Variants in FHIT observed in about 807,000 individuals in gnomAD.
FHIT encodes bis(5'-adenosyl)-triphosphatase.
Under a neutral mutation model 17.9 loss-of-function variants are expected in FHIT, and 19 were observed. That is an observed-to-expected ratio of 1.06 (90% CI 0.74 to 1.56). The LOEUF (loss-of-function observed/expected upper bound fraction) is 1.56, where lower values mean the gene tolerates loss of function less well. Ranked by LOEUF, FHIT falls within the 40% of genes most tolerant of loss-of-function variation. FHIT has a pLI of 0.00. For synonymous variants in FHIT, 81 were observed against 69.7 expected (o/e 1.16, Z -0.81); for missense variants, 248 against 189.2 (o/e 1.31, Z -1.82).
At chr3:60,066,586 T>C (rs1702515952) in intron 5 of FHIT, among the ~76,000 whole-genome samples, 1 of 150,636 alleles carries the variant, frequency 6.6e-6, no homozygotes, top group South Asian at 2.1e-4. Context: ...CACCTTGTAC[T>C]GTTCACTGAC....
rs371051867 is a variant in FHIT, at chr3:60,722,870, G to C, written c.-18+99049C>G. ...CCCAAGTAACTGAGATTACAGGCAG[G>C]AGCCGCCACATCCAGCGAATTTTTT... On this transcript the variant is annotated intron_variant, in intron 4 of 9. Transcript: ENST00000492590. Among the ~76,000 whole-genome samples, 68 of 152,022 alleles carry C rather than the reference G, an allele frequency of 4.5e-4. No homozygotes were observed. In the East Asian group the frequency reaches 6.4e-3, roughly 14 times the overall value.
At chr3:61,133,782 T>C (rs528670641) in intron 2 of FHIT, among the ~76,000 whole-genome samples, 1 of 152,138 alleles carries the variant, frequency 6.6e-6, no homozygotes, top group Non-Finnish European at 1.5e-5. Flanking sequence ...ATGAGAGGGT[T>C]GTATTTTAAG....
intron 3 of FHIT, among the ~76,000 whole-genome samples, chr3:60,832,879 A>G (rs1185964118): frequency 6.6e-6 from 1 of 152,238 alleles, no homozygotes; most frequent in Non-Finnish European, 1.5e-5. Context: ...TTCAAAATTC[A>G]GAGTGTACTT....
intron 5 of FHIT, among the ~76,000 whole-genome samples, chr3:60,066,412 T>G (rs1428300037): frequency 6.6e-6 from 1 of 152,106 alleles, no homozygotes; most frequent in African/African-American, 2.4e-5. Context: ...TTCTGCTAAT[T>G]AGAGCACTTT....
chr3:60,976,554 G>T (rs1340602871), intron 3 of FHIT, among the ~76,000 whole-genome samples: 2 of 152,154 alleles, frequency 1.3e-5, no homozygotes, highest in Admixed American at 6.5e-5. Context: ...ATTCTAATGA[G>T]ACAAAGAGGT....
chr3:60,631,390 C>G (rs1257108369), intron 4 of FHIT, among the ~76,000 whole-genome samples: 1 of 152,124 alleles, frequency 6.6e-6, no homozygotes, highest in Non-Finnish European at 1.5e-5. Context: ...CCTGTCTTTC[C>G]AGCACCTGAG....
At chr3:59,772,851 C>T (rs896768803) in intron 8 of FHIT, among the ~76,000 whole-genome samples, 2 of 152,106 alleles carry the variant, frequency 1.3e-5, no homozygotes, top group South Asian at 2.1e-4. Context: ...CAGCGAATAT[C>T]GAGGGAGAAA....
chr3:60,869,059 G>A (rs1336038545), intron 3 of FHIT, among the ~76,000 whole-genome samples: 1 of 152,030 alleles, frequency 6.6e-6, no homozygotes, highest in East Asian at 1.9e-4. Context: ...ACCTCAGATT[G>A]GTCTCTTACC....
At chr3:59,941,723 CAAGGGCGTCA>C (rs1432910811) in intron 7 of FHIT, among the ~76,000 whole-genome samples, 3 of 152,106 alleles carry the variant, frequency 2.0e-5, no homozygotes, top group Non-Finnish European at 4.4e-5. Context: ...CACATTTCTG[CAAGGGCGTCA>C]AGGGACCCAG....
chr3:60,172,700 G>A (rs147572356), intron 5 of FHIT, among the ~76,000 whole-genome samples: 14 of 152,226 alleles, frequency 9.2e-5, no homozygotes, highest in Admixed American at 8.5e-4. Flanking sequence ...TATATGTGAG[G>A]AACTAAAAGG....
At chr3:60,644,718 G>T (rs185397653) in intron 4 of FHIT, among the ~76,000 whole-genome samples, 84 of 152,184 alleles carry the variant, frequency 5.5e-4, no homozygotes, top group Admixed American at 1.6e-3. Flanking sequence ...ACAACTTCAG[G>T]TTACACATAC....
At chr3:59,940,127 G>A (rs972232154) in intron 7 of FHIT, among the ~76,000 whole-genome samples, 5 of 152,116 alleles carry the variant, frequency 3.3e-5, no homozygotes, top group African/African-American at 1.2e-4. Flanking sequence ...TTTGTAAAAT[G>A]AACCCATCTC....
chr3:61,091,049 G>A (rs987569385), intron 2 of FHIT, among the ~76,000 whole-genome samples: 15 of 152,222 alleles, frequency 9.9e-5, no homozygotes, highest in South Asian at 4.1e-4. Flanking sequence ...ATTTAACTTC[G>A]TGGTTGATAA....
intron 3 of FHIT, among the ~76,000 whole-genome samples, chr3:61,001,395 A>G (rs2031073570): frequency 6.6e-6 from 1 of 152,246 alleles, no homozygotes; most frequent in Non-Finnish European, 1.5e-5. Context: ...TACCCAAGAA[A>G]TGAAAATTAT....
intron 3 of FHIT, among the ~76,000 whole-genome samples, chr3:60,967,321 G>C (rs973733910): frequency 6.6e-6 from 1 of 152,140 alleles, no homozygotes; most frequent in East Asian, 1.9e-4. Flanking sequence ...CAAAATCATT[G>C]CTTGATCCCT....
intron 5 of FHIT, among the ~76,000 whole-genome samples, chr3:60,182,796 A>G (rs1389902033): frequency 6.6e-6 from 1 of 152,048 alleles, no homozygotes; most frequent in Non-Finnish European, 1.5e-5. Context: ...CAATCAATCA[A>G]TCAATCAATA....
chr3:59,996,767 G>C (rs955269887), intron 7 of FHIT, among the ~76,000 whole-genome samples: 2 of 152,108 alleles, frequency 1.3e-5, no homozygotes, highest in Non-Finnish European at 2.9e-5. Context: ...ACGAAGAAAA[G>C]TAATTGAGAA....
chr3:60,335,747 TG>T (rs1710205334), intron 5 of FHIT, among the ~76,000 whole-genome samples: 1 of 152,194 alleles, frequency 6.6e-6, no homozygotes, highest in African/African-American at 2.4e-5. Context: ...TATATTGGGT[TG>T]GATAAACTAT....
At chr3:60,721,114 C>T (rs782795252) in intron 4 of FHIT, among the ~76,000 whole-genome samples, 36 of 151,896 alleles carry the variant, frequency 2.4e-4, no homozygotes, top group Admixed American at 1.0e-3. Context: ...GCAATTAATT[C>T]CTACTGCTAA....
Sources: allele counts gnomAD v4.1 joint callset (sites outside exome capture counted in the v4.1 genomes callset), GRCh38; gene constraint gnomAD v4.1.1; transcripts MANE v1.5; gene names NCBI Gene and HGNC (gene_info 2026-07-23, HGNC 2026-07-21).